PRSS23: variants seen among roughly 807,000 people sequenced by gnomAD.
PRSS23 encodes the protein serine protease 23.
PRSS23 carries 25 observed loss-of-function variants against 34.7 expected under a neutral mutation model. The ratio of observed to expected loss-of-function variants is 0.72; its 90% CI spans 0.53 to 1.01. The LOEUF is 1.01. Among genes scored for constraint, PRSS23 ranks in the 50% least tolerant of loss-of-function variants. The probability of loss-of-function intolerance (pLI) is 0.00; values close to 1 mark genes in which losing one functional copy is unlikely to be tolerated. For synonymous variants in PRSS23, 176 were observed against 186.6 expected (o/e 0.94, Z 0.46); for missense variants, 445 against 475.6 (o/e 0.94, Z 0.60).
chr11:86,879,591 T>G (rs1321239440), intron 2 of PRSS23, among the ~76,000 whole-genome samples: 16 of 99,412 alleles, frequency 1.6e-4, no homozygotes, highest in East Asian at 5.9e-4. Context: ...GTCAGGGAGG[T>G]GAGGGGCGCC....
rs772637833 is a variant in PRSS23 at position 86,831,204 on chromosome 11, A to T, written c.206+7611A>T. On this transcript the variant is annotated intron_variant, in intron 2 of 2. Coordinates refer to the PRSS23 transcript ENST00000533902. ...CAATGCTTGTACACCCTGCGATATT[A>T]TTCATAATATCCTAAGGGAATATTA... Among the ~76,000 whole-genome samples, 25 of 152,246 alleles carry T rather than the reference A, an allele frequency of 1.6e-4. 1 individual carries two copies. Among genetic ancestry groups the T allele is most frequent in the South Asian group, 2.1e-4 (1 of 4,826 alleles).
chr11:86,808,286 G>C lies in PRSS23; in HGVS notation c.643G>C (p.Glu215Gln). The C allele has an allele frequency of 6.2e-7, 1 of 1,614,076 alleles. No individual in the cohort carries two copies. Among genetic ancestry groups the C allele is most frequent in the Non-Finnish European group, 8.5e-7 (1 of 1,180,022 alleles). Residue 215 changes from glutamate to glutamine, a missense_variant, in exon 2 of 2, where the codon GAG (glutamate) becomes CAG (glutamine). Transcript: ENST00000280258. ...GANDSTSAMP[E>Q]QMKFQWIRVK... The stretch of plus-strand genomic sequence containing the variant: ...CAACGACTCCACTTCAGCCATGCCC[G>C]AGCAGATGAAATTTCAGTGGATCCG...
intron 2 of PRSS23, among the ~76,000 whole-genome samples, chr11:86,878,003 ATTTAAATTTC>A (rs751431316): frequency 2.0e-5 from 3 of 151,942 alleles, no homozygotes; most frequent in African/African-American, 4.8e-5. Context: ...CTTTCCATTT[ATTTAAATTTC>A]TTTAAATTTC....
intron 2 of PRSS23, among the ~76,000 whole-genome samples, chr11:86,929,852 C>A (rs1337774621): frequency 4.6e-5 from 7 of 152,044 alleles, no homozygotes; most frequent in African/African-American, 1.7e-4. Context: ...GCATCAATGA[C>A]AGAAAATGAG....
At chr11:86,951,146 A>T (rs772349259) in intron 2 of PRSS23, 2 of 1,613,876 alleles carry the variant, frequency 1.2e-6, no homozygotes, top group African/African-American at 2.7e-5. Flanking sequence ...CTAGCCTTAT[A>T]CCACAGTCTC....
intron 2 of PRSS23, among the ~76,000 whole-genome samples, chr11:86,940,435 C>G (rs1011231591): frequency 3.9e-5 from 6 of 152,110 alleles, no homozygotes; most frequent in Middle Eastern, 6.3e-3. Context: ...AAAATCACCC[C>G]CTCCTTTCCA....
chr11:86,940,413 G>A (rs957881526), intron 2 of PRSS23, among the ~76,000 whole-genome samples: 2 of 152,150 alleles, frequency 1.3e-5, no homozygotes, highest in African/African-American at 4.8e-5. Flanking sequence ...ACAATTTGTT[G>A]TGGCTTCTCT....
chr11:86,868,836 GT>G (rs1464685577), intron 2 of PRSS23, among the ~76,000 whole-genome samples: 1 of 152,118 alleles, frequency 6.6e-6, no homozygotes, highest in Non-Finnish European at 1.5e-5. Flanking sequence ...TTTTGAGACA[GT>G]GTGTCACCCT....
intron 2 of PRSS23, among the ~76,000 whole-genome samples, chr11:86,833,883 T>A (rs1165757828): frequency 6.6e-6 from 1 of 152,146 alleles, no homozygotes; most frequent in Non-Finnish European, 1.5e-5. Context: ...TGCTTCTTGC[T>A]GAATTGGGGC....
intron 2 of PRSS23, among the ~76,000 whole-genome samples, chr11:86,860,334 G>A (rs1948604518): frequency 6.6e-6 from 1 of 151,912 alleles, no homozygotes; most frequent in Non-Finnish European, 1.5e-5. Flanking sequence ...GTAGGGAGAG[G>A]GTGATATTAC....
At chr11:86,921,813 C>G (rs533720350) in intron 2 of PRSS23, 1 of 152,112 alleles carries the variant, frequency 6.6e-6, no homozygotes, top group African/African-American at 2.4e-5. Flanking sequence ...GCTTTTTTAC[C>G]GAAACACACA....
chr11:86,908,023 T>C (rs965855052), intron 2 of PRSS23, among the ~76,000 whole-genome samples: 1 of 152,242 alleles, frequency 6.6e-6, no homozygotes, highest in Non-Finnish European at 1.5e-5. Flanking sequence ...GTCCTCAAGA[T>C]TCATTCATGT....
upstream of PRSS23, chr11:86,800,530 G>A (rs1590866043): frequency 2.0e-6 from 2 of 984,544 alleles, no homozygotes; most frequent in East Asian, 1.1e-4. Flanking sequence ...TGCGCTGCTC[G>A]CCAGCTTGCT....
chr11:86,943,390 T>C (rs1949218731), intron 2 of PRSS23, among the ~76,000 whole-genome samples: 1 of 152,190 alleles, frequency 6.6e-6, no homozygotes, highest in Admixed American at 6.5e-5. Flanking sequence ...TTTGGGAGGC[T>C]GAGGCGGGAG....
rs140381086 is a variant in PRSS23, at chr11:86,841,652, C to G, written c.206+18059C>G. Among the ~76,000 whole-genome samples, 1,152 of 152,272 alleles carry G rather than the reference C, an allele frequency of 7.6e-3. 9 individuals are homozygous for G. Among genetic ancestry groups the G allele is most frequent in the Non-Finnish European group, 0.011 (770 of 68,016 alleles). ...CAAACTACCATCAGAATACTATAAA[C>G]ACCTCTATGCTAATAAACTAGAAAT... On this transcript the variant is annotated intron_variant, in intron 2 of 2. Transcript: ENST00000533902.
At chr11:86,847,146 A>G (rs1015640241) in intron 2 of PRSS23, among the ~76,000 whole-genome samples, 2 of 140,384 alleles carry the variant, frequency 1.4e-5, no homozygotes, top group Admixed American at 1.4e-4. Flanking sequence ...TGGGGACAGA[A>G]GGCTAAAGTA....
At chr11:86,951,845 AT>A in exon 3 of PRSS23, 2 of 1,613,762 alleles carry the variant, frequency 1.2e-6, no homozygotes, top group Non-Finnish European at 1.7e-6. Context: ...CAAGAAAATT[AT>A]TGCACATCCT....
rs1000489195 is a variant in PRSS23, at chr11:86,800,610, G to C, written c.-55G>C. The C allele has an allele frequency of 5.1e-6, 5 of 985,180 alleles. No individual in the cohort carries two copies. In the South Asian group the frequency reaches 1.4e-4, roughly 28 times the overall value. The allele number at this position is 985,180 out of a possible 1,614,324, so 61.0% of individuals were successfully genotyped here. ...TCTCCCGGCGCCCACACCTGTCTGA[G>C]CGGCGCAGCGAGCCGCGGCCCGGGC... On this transcript the variant is annotated 5_prime_UTR_variant, in exon 1 of 2. Transcript: ENST00000280258.
At chr11:86,805,815 G>A (rs912471448) in intron 1 of PRSS23, among the ~76,000 whole-genome samples, 9 of 152,192 alleles carry the variant, frequency 5.9e-5, no homozygotes, top group Non-Finnish European at 2.9e-5. Flanking sequence ...GGGAGCAAAA[G>A]GCACCCAAAG....
Sources: gnomAD v4.1 joint callset for allele counts (sites outside exome capture counted in the v4.1 genomes callset) on GRCh38, gnomAD v4.1.1 for gene constraint, MANE v1.5 for transcripts, NCBI Gene and HGNC (gene_info 2026-07-23, HGNC 2026-07-21) for gene names.